GALNT17: variants seen among roughly 807,000 people sequenced by gnomAD.
GALNT17 encodes the protein polypeptide N-acetylgalactosaminyltransferase 17.
In GALNT17, 29 loss-of-function variants were observed where a neutral mutation model predicts 63.7. That is an observed-to-expected ratio of 0.46 (90% CI 0.34 to 0.62). The LOEUF (loss-of-function observed/expected upper bound fraction) is 0.62. Among genes scored for constraint, GALNT17 ranks in the 20% least tolerant of loss-of-function variants. The pLI is 0.01. For synonymous variants in GALNT17, 305 were observed against 318.3 expected, an observed-to-expected ratio of 0.96 and a Z score of 0.45; for missense variants, 603 against 799.6, an observed-to-expected ratio of 0.75 and a Z score of 2.97.
chr7:71,696,047 A>C (rs186154860), intron 9 of GALNT17, among the ~76,000 whole-genome samples: 27 of 152,362 alleles, frequency 1.8e-4, no homozygotes, highest in Admixed American at 9.8e-4. Flanking sequence ...ACTCCAAAGC[A>C]GATCTGAATT....
chr7:71,353,621 T>C (rs1457939056), intron 2 of GALNT17, among the ~76,000 whole-genome samples: 1 of 152,198 alleles, frequency 6.6e-6, no homozygotes, highest in East Asian at 1.9e-4. Flanking sequence ...GAATGTGCTT[T>C]TGTGGCAGGA....
At chr7:71,297,428 C>T (rs539162701) in intron 1 of GALNT17, among the ~76,000 whole-genome samples, 2 of 152,254 alleles carry the variant, frequency 1.3e-5, no homozygotes, top group East Asian at 3.9e-4. Context: ...CCTGTAATCC[C>T]AGCTACTCAG....
chr7:71,416,956 A>G (rs73363724), intron 4 of GALNT17, among the ~76,000 whole-genome samples: 6,917 of 152,232 alleles, frequency 0.045, 564 homozygotes, highest in African/African-American at 0.16. Context: ...ATGCACAAAG[A>G]GTGAGGCCAC....
At chr7:71,601,253 AG>A (rs1789963316) in intron 6 of GALNT17, among the ~76,000 whole-genome samples, 1 of 152,116 alleles carries the variant, frequency 6.6e-6, no homozygotes, top group African/African-American at 2.4e-5. Context: ...ATGCATGTGC[AG>A]GTATCTTTTT....
intron 6 of GALNT17, among the ~76,000 whole-genome samples, chr7:71,642,459 G>A (rs1292213321): frequency 1.3e-5 from 2 of 152,170 alleles, no homozygotes; most frequent in African/African-American, 4.8e-5. Flanking sequence ...ATAACAGAAT[G>A]TGCTGCAGAT....
chr7:71,495,319 G>A (rs2116684092), intron 5 of GALNT17, among the ~76,000 whole-genome samples: 1 of 152,040 alleles, frequency 6.6e-6, no homozygotes, highest in South Asian at 2.1e-4. Flanking sequence ...TGGGGACACA[G>A]CCAAGCCATA....
chr7:71,556,622 T>A (rs6460674), intron 5 of GALNT17, among the ~76,000 whole-genome samples: 2 of 151,982 alleles, frequency 1.3e-5, no homozygotes, highest in East Asian at 3.9e-4. Context: ...AGTGGCGCTC[T>A]GCTCTCGGCT....
At chr7:71,177,341 C>A (rs985918600) in intron 1 of GALNT17, among the ~76,000 whole-genome samples, 2 of 152,086 alleles carry the variant, frequency 1.3e-5, no homozygotes, top group African/African-American at 4.8e-5. Flanking sequence ...CCCCGGGAAC[C>A]CCATCCCACT....
chr7:71,218,897 A>G (rs1278218784), intron 1 of GALNT17, among the ~76,000 whole-genome samples: 1 of 152,144 alleles, frequency 6.6e-6, no homozygotes, highest in Non-Finnish European at 1.5e-5. Context: ...CTGATTCTGC[A>G]TAATGTTGAG....
At chr7:71,493,083 T>C (rs1230973520) in intron 5 of GALNT17, among the ~76,000 whole-genome samples, 2 of 152,208 alleles carry the variant, frequency 1.3e-5, no homozygotes, top group African/African-American at 2.4e-5. Flanking sequence ...CATGCATAAA[T>C]TCAGACAGGT....
At chr7:71,662,328 A>G (rs1419867812) in intron 6 of GALNT17, among the ~76,000 whole-genome samples, 3 of 149,840 alleles carry the variant, frequency 2.0e-5, no homozygotes, top group African/African-American at 7.4e-5. Flanking sequence ...TTATCTATCT[A>G]TCTATCTGTC....
chr7:71,640,648 G>T (rs887082978), intron 6 of GALNT17, among the ~76,000 whole-genome samples: 2 of 151,946 alleles, frequency 1.3e-5, no homozygotes, highest in African/African-American at 4.8e-5. Flanking sequence ...AAGCACATAG[G>T]TTATATCATA....
intron 5 of GALNT17, among the ~76,000 whole-genome samples, chr7:71,535,489 A>G (rs1276781051): frequency 2.0e-5 from 3 of 152,216 alleles, no homozygotes; most frequent in Non-Finnish European, 4.4e-5. Context: ...AGAAAAAAAG[A>G]GGGCAGTGGA....
At chr7:71,295,150 C>T (rs1791055531) in intron 1 of GALNT17, among the ~76,000 whole-genome samples, 2 of 152,188 alleles carry the variant, frequency 1.3e-5, no homozygotes, top group South Asian at 2.1e-4. Flanking sequence ...TCTACGAGAA[C>T]GCTGCTGGCT....
chr7:71,133,065 G>C (rs773277842), intron 1 of GALNT17, 25 bp downstream of exon 1: 8 of 1,511,052 alleles, frequency 5.3e-6, no homozygotes, highest in Non-Finnish European at 7.1e-6. Flanking sequence ...CGGCGCCTCC[G>C]GGGCTCGACG....
At chr7:71,524,711 A>G (rs545513740) in intron 5 of GALNT17, among the ~76,000 whole-genome samples, 1 of 152,302 alleles carries the variant, frequency 6.6e-6, no homozygotes, top group African/African-American at 2.4e-5. Flanking sequence ...TAGGTGTAGC[A>G]AGTGCTGAAT....
rs573472001 is a variant in GALNT17 at position 71,190,364 on chromosome 7, G to A, written c.238+57324G>A. On this transcript the variant is annotated intron_variant, in intron 1 of 10. Transcript: ENST00000333538. ...AGCAAGTGAGTTCTTGCAAGATCTG[G>A]TCATTTAAAAGTATATGGCACCTCC... 4.6e-5 allele frequency among the ~76,000 whole-genome samples: 7 copies of A among 152,140 alleles called. 1 individual carries two copies. Among genetic ancestry groups the A allele is most frequent in the East Asian group, 1.9e-4 (1 of 5,162 alleles).
chr7:71,545,709 A>T (rs759475472), intron 5 of GALNT17, among the ~76,000 whole-genome samples: 1 of 152,114 alleles, frequency 6.6e-6, no homozygotes, highest in East Asian at 1.9e-4. Flanking sequence ...TGGTTCTATT[A>T]TGTCAAGTTC....
At chr7:71,495,505 CATT>C (rs2116684573) in intron 5 of GALNT17, among the ~76,000 whole-genome samples, 1 of 152,056 alleles carries the variant, frequency 6.6e-6, no homozygotes, top group African/African-American at 2.4e-5. Flanking sequence ...TTATTATTAT[CATT>C]ATTTTTATTT....
Sources: gnomAD v4.1 joint callset for allele counts (sites outside exome capture counted in the v4.1 genomes callset) on GRCh38, gnomAD v4.1.1 for gene constraint, MANE v1.5 for transcripts, NCBI Gene and HGNC (gene_info 2026-07-23, HGNC 2026-07-21) for gene names.